UBR1: variants seen among roughly 807,000 people sequenced by gnomAD.
UBR1 encodes the protein ubiquitin protein ligase E3 component n-recognin 1.
Under a neutral mutation model 242.1 loss-of-function variants are expected in UBR1, and 102 were observed. The observed-to-expected ratio is 0.42, with a 90% confidence interval of 0.36 to 0.50. The LOEUF is 0.50. UBR1 is among the 20% of genes least tolerant of loss of function. UBR1 has a pLI of 0.01. For synonymous variants in UBR1, 675 were observed against 684.8 expected (o/e 0.99, Z 0.22); for missense variants, 1,772 against 2,101.8 (o/e 0.84, Z 3.07).
intron 2 of UBR1, among the ~76,000 whole-genome samples, chr15:43,084,797 T>C (rs1263251578): frequency 1.3e-5 from 2 of 152,200 alleles, no homozygotes; most frequent in Non-Finnish European, 2.9e-5. Flanking sequence ...TAAAGAAAGA[T>C]AGTATGTTCT....
chr15:43,106,013 C>A lies in UBR1; in HGVS notation c.10G>T (p.Glu4Ter). 6.2e-7 allele frequency: 1 copy of A among 1,612,456 alleles called. No individual in the cohort carries two copies. The highest frequency in any genetic ancestry group is 2.2e-5 in the East Asian group (1 of 44,798). ...ATCCTCTCAGTACCTCCAGCCTCCT[C>A]GTCCGCCATCTTGAGGGAAACTGAC... The part of the protein sequence containing the change: MAD[E>*]EAGGTERMEI... Residue 4 changes from glutamate (E) to a stop codon, truncating the protein, a stop_gained, in exon 1 of 47, where the codon GAG becomes TAG. Coordinates refer to ENST00000290650, the MANE Select transcript of UBR1 (RefSeq NM_174916.3). LOFTEE classifies it high-confidence loss of function.
At position 42,960,680 on chromosome 15, in the gene UBR1, T is replaced by A. The variant is rs753658848; in HGVS notation, c.4722A>T (p.Leu1574Phe). Residue 1574 changes from leucine to phenylalanine, a missense_variant, in exon 43 of 47, where the codon TTA becomes TTT. Around this residue, in one of 3 missense-constraint regions of UBR1, gnomAD observed 965 missense variants for 1,079.7 expected, o/e 0.89. Coordinates refer to ENST00000290650, the MANE Select transcript of UBR1 (RefSeq NM_174916.3). ...TGTTTTTTTGCTTCAAACAGTTTAG[T>A]AAGGCAGGATCTGCACACCACCTGT... ...LLQRWCADPA[L>F]LNCLKQKNTV... 1.2e-6 allele frequency: 2 copies of A among 1,614,024 alleles called. No homozygotes were observed. The highest frequency in any genetic ancestry group is 1.6e-4 in the Middle Eastern group (1 of 6,062).
Position 43,048,466 on chromosome 15 carries a change from T to C in UBR1, c.1465A>G (p.Ile489Val). ...TGCATTCTTAATCTTTCTGTCCATA[T>C]TGTGGGTTTGCTGATCAGGATATAC... ...LKYILISKPT[I>V]WTERLRMQFL... Residue 489 changes from isoleucine to valine, a missense_variant, in exon 13 of 47, where the codon ATA becomes GTA. Around this residue, in one of 3 missense-constraint regions of UBR1, gnomAD observed 734 missense variants for 893.3 expected, o/e 0.82. Coordinates refer to ENST00000290650, the MANE Select transcript of UBR1 (RefSeq NM_174916.3). 8.7e-6 allele frequency: 14 copies of C among 1,613,748 alleles called. No homozygotes were observed. The highest frequency in any genetic ancestry group is 1.3e-5 in the African/African-American group (1 of 75,052).
At chr15:43,089,012 A>T (rs1184968287) in intron 1 of UBR1, among the ~76,000 whole-genome samples, 3 of 151,502 alleles carry the variant, frequency 2.0e-5, no homozygotes, top group Non-Finnish European at 4.4e-5. Context: ...AAATACAAAA[A>T]TTGGCCAGGC....
intron 31 of UBR1, 32 bp from the exon 32 acceptor site, chr15:43,002,736 G>T: frequency 3.1e-6 from 5 of 1,613,856 alleles, no homozygotes; most frequent in Non-Finnish European, 4.2e-6. Flanking sequence ...GGCCCATTCA[G>T]AACTACACAT....
At chr15:43,056,258 C>T (rs2141334338) in intron 11 of UBR1, 86 bp downstream of exon 11, 1 of 1,059,410 alleles carries the variant, frequency 9.4e-7, no homozygotes, top group Non-Finnish European at 1.5e-6. Context: ...TAACATTGTT[C>T]TAATTTGATT....
intron 21 of UBR1, among the ~76,000 whole-genome samples, chr15:43,029,738 T>C (rs1313659166): frequency 6.6e-6 from 1 of 152,194 alleles, no homozygotes; most frequent in African/African-American, 2.4e-5. Flanking sequence ...TCTGGAGTAA[T>C]CTTTATTTTA....
rs1251944996 is a variant in UBR1, at chr15:42,945,386, A to G, written c.5193T>C (p.Ile1731=). ...TCTGATTAGTCTCTTGGCTCCTAGCAATCTCTTCTATAATGCAGTGTTGTT... is the reference window on the plus strand; with the variant it reads ...TCTGATTAGTCTCTTGGCTCCTAGCGATCTCTTCTATAATGCAGTGTTGTT... ...VWQQHCIIEE[I]ARSQETNQML... Residue 1731 remains isoleucine, a synonymous_variant, in exon 47 of 47, where the codon ATT becomes ATC. Transcript: ENST00000290650. The G allele has an allele frequency of 1.2e-6, 2 of 1,614,168 alleles. No homozygotes were observed. The highest frequency in any genetic ancestry group is 2.2e-5 in the South Asian group (2 of 91,082).
intron 16 of UBR1, 67 bp from the exon 17 acceptor site, chr15:43,037,950 C>T: frequency 7.0e-7 from 1 of 1,436,644 alleles, no homozygotes; most frequent in South Asian, 1.2e-5. Context: ...AGTTATGCCA[C>T]TACATATTCT....
intron 45 of UBR1, among the ~76,000 whole-genome samples, chr15:42,951,129 C>T (rs1016030312): frequency 1.3e-5 from 2 of 152,162 alleles, no homozygotes; most frequent in African/African-American, 2.4e-5. Flanking sequence ...AACTGTGTTA[C>T]ATGAGGAGAG....
chr15:43,067,738 T>C (rs868662423), intron 6 of UBR1, among the ~76,000 whole-genome samples, 160 bp downstream of exon 6: 13 of 152,172 alleles, frequency 8.5e-5, no homozygotes, highest in Admixed American at 3.3e-4. Flanking sequence ...AATTATGATA[T>C]ACACACAAAA....
At chr15:43,027,018 G>C (rs902082193) in intron 22 of UBR1, among the ~76,000 whole-genome samples, 1 of 151,968 alleles carries the variant, frequency 6.6e-6, no homozygotes, top group Admixed American at 6.5e-5. Flanking sequence ...ATTGACCTTA[G>C]ACACTTCATT....
intron 12 of UBR1, among the ~76,000 whole-genome samples, chr15:43,049,646 T>A (rs1018697657): frequency 6.6e-6 from 1 of 152,166 alleles, no homozygotes; most frequent in African/African-American, 2.4e-5. Context: ...TGGTTTAATT[T>A]TTCTCACTCT....
intron 1 of UBR1, among the ~76,000 whole-genome samples, chr15:43,098,231 T>C (rs1233824424): frequency 6.6e-6 from 1 of 152,146 alleles, no homozygotes; most frequent in African/African-American, 2.4e-5. Flanking sequence ...TTTGCTGTCT[T>C]TTATGGATGT....
rs546134585 is a variant in UBR1, at chr15:43,105,964, T to G, written c.59A>C (p.Gln20Pro). ...TACAGATGCCAGACGCTGAGGGGTC[T>G]GGGGTAACTCCGCGCTGATTTCCAT... ...ERMEISAELPQTPQRLASWWD... is the reference protein window; with the variant it reads ...ERMEISAELPPTPQRLASWWD... Residue 20 changes from glutamine (Q) to proline (P), a missense_variant, in exon 1 of 47, where the codon CAG becomes CCG. Gln to Pro is a moderately conservative substitution (Grantham distance 76). Coordinates refer to ENST00000290650, the MANE Select transcript of UBR1 (RefSeq NM_174916.3). 6.2e-7 allele frequency: 1 copy of G among 1,614,000 alleles called. No individual in the cohort carries two copies. Among genetic ancestry groups the G allele is most frequent in the African/African-American group, 1.3e-5 (1 of 75,018 alleles).
intron 36 of UBR1, among the ~76,000 whole-genome samples, chr15:42,984,616 A>C (rs912815151): frequency 6.6e-6 from 1 of 152,232 alleles, no homozygotes; most frequent in African/African-American, 2.4e-5. Flanking sequence ...AAACATCAGG[A>C]TTTTGAAATG....
Position 43,058,364 on chromosome 15 carries a change from G to A in UBR1, c.1159C>T (p.Leu387Phe), listed in dbSNP as rs1449976909. 2 of 1,609,254 alleles carry A rather than the reference G, an allele frequency of 1.2e-6. No homozygotes were observed. The highest frequency in any genetic ancestry group is 2.2e-5 in the South Asian group (2 of 89,914). ...ACCTTCACAAATTCCATAGCAAAGAGTTTTTTGTATTCCATCTCCATAAAA... is the reference window on the plus strand; with the variant it reads ...ACCTTCACAAATTCCATAGCAAAGAATTTTTTGTATTCCATCTCCATAAAA... ...SFFMEMEYKKLFAMEFVKYYK... is the reference protein window; with the variant it reads ...SFFMEMEYKKFFAMEFVKYYK... The change falls in exon 10 of 47, where the codon CTC (leucine) becomes TTC (phenylalanine). Residue 387 changes from leucine to phenylalanine, a missense_variant. By Grantham distance (22) the Leu-to-Phe change is conservative (BLOSUM62 0). This residue lies in a region of UBR1 where 734 missense variants were observed against 893.3 expected (regional missense o/e 0.82). Transcript: ENST00000290650.
chr15:42,965,172 C>G (rs963198558), intron 41 of UBR1, among the ~76,000 whole-genome samples: 2 of 152,054 alleles, frequency 1.3e-5, no homozygotes, highest in Non-Finnish European at 2.9e-5. Context: ...TCAGATAAAC[C>G]CTACTGAACT....
chr15:42,961,013 G>C (rs2032007391), intron 42 of UBR1, among the ~76,000 whole-genome samples: 1 of 151,964 alleles, frequency 6.6e-6, no homozygotes, highest in Non-Finnish European at 1.5e-5. Context: ...GCCCGCCTCA[G>C]CCTCCCAAAG....
Sources: gnomAD v4.1 joint callset for allele counts (sites outside exome capture counted in the v4.1 genomes callset) on GRCh38, gnomAD v4.1.1 for gene constraint, gnomAD v4.1.1 regional missense constraint, MANE v1.5 for transcripts, NCBI Gene and HGNC (gene_info 2026-07-23, HGNC 2026-07-21) for gene names.